Variants in IFT46 observed in about 807,000 individuals in gnomAD.
The protein encoded by IFT46 is intraflagellar transport 46, also known as intraflagellar transport protein 46 homolog.
IFT46 carries 19 observed loss-of-function variants against 39.6 expected under a neutral mutation model. That is an observed-to-expected ratio of 0.48 (90% CI 0.33 to 0.70). The LOEUF is 0.70. IFT46 is among the 30% of genes least tolerant of loss of function. IFT46 has a pLI of 0.01. For missense variants in IFT46, 334 were observed against 364.8 expected (o/e 0.92, Z 0.69); for synonymous variants, 117 against 134.8 (o/e 0.87, Z 0.91).
chr11:118,560,182 G>A, intron 2 of IFT46: 3 of 256,098 alleles, frequency 1.2e-5, no homozygotes, highest in Non-Finnish European at 2.2e-5. Flanking sequence ...GGAAGGGGAG[G>A]CAGGAGGATC....
rs1379786613 is a variant in IFT46, at chr11:118,546,026, CTA to C, written c.673-175_673-174del. On this transcript the variant is annotated intron_variant, in intron 9 of 11. Coordinates refer to ENST00000264021, the MANE Select transcript of IFT46 (RefSeq NM_001168618.2). ...TAACTCCCTGTACTTCAGAATGTGACTATATTTGGAGATAACATCTTTAAAGA... is the reference window on the plus strand; with the variant it reads ...TAACTCCCTGTACTTCAGAATGTGACTATTTGGAGATAACATCTTTAAAGA... 25 of 711,708 alleles carry C rather than the reference CTA, an allele frequency of 3.5e-5. No individual in the cohort carries two copies. The African/African-American group carries it at 4.1e-4, about 12-fold the overall frequency. 44.1% of individuals were successfully genotyped at this position (711,708 alleles called of 1,614,324 possible). A position where few individuals can be genotyped will look rare whatever the true frequency, so the allele number is the denominator to read the frequency against.
At chr11:118,572,479 C>G (rs541171787) in intron 1 of IFT46, 595 of 1,566,158 alleles carry the variant, frequency 3.8e-4, no homozygotes, top group Admixed American at 9.7e-4. Context: ...CTGGTGCTCC[C>G]GTTCCCCAGA....
chr11:118,556,928 C>T lies in IFT46; in HGVS notation c.163G>A (p.Glu55Lys). 6.2e-7 allele frequency: 1 copy of T among 1,609,206 alleles called. No homozygotes were observed. Residue 55 changes from glutamate to lysine, a missense_variant, in exon 4 of 12, where the codon GAG (glutamate) becomes AAG (lysine). Physicochemically the swap from Glu to Lys is moderately conservative, Grantham distance 56. Coordinates refer to ENST00000264021, the MANE Select transcript of IFT46 (RefSeq NM_001168618.2). ...TDSDSDDDDE[E>K]HGAPLEGAYD... ...CACCCTTCCAGAGGGGCTCCATGCT[C>T]TTCATCATCATCATCAGAATCAGAA...
At chr11:118,560,894 A>G in intron 2 of IFT46, 1 of 816,590 alleles carries the variant, frequency 1.2e-6, no homozygotes, top group Non-Finnish European at 2.1e-6. Flanking sequence ...TTATGCCCGT[A>G]TAGAGGGGGA....
Position 118,563,196 on chromosome 11 carries a change from AATACAGTATGATTTCACTTATGTG to A in IFT46, c.-36+1745_-36+1768del, listed in dbSNP as rs1555070860. Reference sequence around the variant, plus strand: ...GAAGTAAGTCAGCCACAAAAGGATAAATACAGTATGATTTCACTTATGTGGTTCCCAGAATAAGCAAACTCATAC... The same window carrying A: ...GAAGTAAGTCAGCCACAAAAGGATAAGTTCCCAGAATAAGCAAACTCATAC... On this transcript the variant is annotated intron_variant, in intron 2 of 11. Transcript: ENST00000264021. Among the ~76,000 whole-genome samples the A allele has an allele frequency of 7.0e-3, 1,062 of 152,340 alleles. 13 individuals are homozygous for A. The highest frequency in any genetic ancestry group is 0.024 in the African/African-American group (989 of 41,564).
In IFT46 at chr11:118,545,393, CT is replaced by C; in HGVS notation, c.819+15del. Reference sequence around the variant, plus strand: ...TCCTCTCTACAGCTTAAGTCAACCCCTGATGCTTGGCTCACCTGTGAGTTCT... The same window carrying C: ...TCCTCTCTACAGCTTAAGTCAACCCCGATGCTTGGCTCACCTGTGAGTTCT... On this transcript the variant is annotated intron_variant, in intron 11 of 11. Coordinates refer to ENST00000264021, the MANE Select transcript of IFT46 (RefSeq NM_001168618.2). 6.3e-7 allele frequency: 1 copy of C among 1,581,816 alleles called. No homozygotes were observed. Among genetic ancestry groups the C allele is most frequent in the South Asian group, 1.1e-5 (1 of 90,376 alleles).
chr11:118,551,878 C>A (rs782279419), intron 8 of IFT46, 26 bp from the exon 9 acceptor site: 1 of 1,601,734 alleles, frequency 6.2e-7, no homozygotes, highest in African/African-American at 1.3e-5. Flanking sequence ...TAAATATGAA[C>A]AAGAAACGTG....
chr11:118,568,654 G>A (rs1269869200), upstream of IFT46, among the ~76,000 whole-genome samples: 3 of 151,648 alleles, frequency 2.0e-5, no homozygotes, highest in Non-Finnish European at 2.9e-5. Flanking sequence ...AAGAAAGTTT[G>A]TACCCATTGT....
intron 9 of IFT46, 151 bp from the exon 10 acceptor site, chr11:118,546,004 C>T: frequency 1.4e-6 from 1 of 720,304 alleles, no homozygotes; most frequent in Non-Finnish European, 2.6e-6. Flanking sequence ...GAGTTCCTAA[C>T]TCCCTGTACT....
chr11:118,545,107 T>C, intron 11 of IFT46, 96 bp from the exon 12 acceptor site: 1 of 941,830 alleles, frequency 1.1e-6, no homozygotes, highest in Admixed American at 2.1e-5. Context: ...CCCCCTTTAT[T>C]TCCTTCCTGC....
chr11:118,568,799 G>C, upstream of IFT46, among the ~76,000 whole-genome samples: 1 of 151,462 alleles, frequency 6.6e-6, no homozygotes, highest in Non-Finnish European at 1.5e-5. Flanking sequence ...GGGACTATAG[G>C]CATGGGCCAC....
At chr11:118,575,061 T>C (rs1938457155), upstream of IFT46, among the ~76,000 whole-genome samples, 1 of 152,124 alleles carries the variant, frequency 6.6e-6, no homozygotes, top group Admixed American at 6.6e-5. Context: ...TCACTGCAAC[T>C]TCTGCCTCCC....
At chr11:118,575,921 C>CAGTGGGTATAAAA (rs1555073441), upstream of IFT46, among the ~76,000 whole-genome samples, 1 of 151,476 alleles carries the variant, frequency 6.6e-6, no homozygotes, top group Non-Finnish European at 1.5e-5. Context: ...GTGGTTAGAA[C>CAGTGGGTATAAAA]TGGAGCAGTG....
upstream of IFT46, among the ~76,000 whole-genome samples, chr11:118,566,973 C>A (rs1471338887): frequency 6.6e-6 from 1 of 152,126 alleles, no homozygotes; most frequent in Admixed American, 6.5e-5. Flanking sequence ...TGGCTCACAC[C>A]TGTAATCCCA....
intron 1 of IFT46, chr11:118,572,297 T>C (rs2135523661): frequency 5.9e-6 from 3 of 510,204 alleles, no homozygotes; most frequent in East Asian, 6.2e-5. Flanking sequence ...CCTCCTGGGC[T>C]TAATCGTAAC....
chr11:118,549,761 G>A (rs1442233387), intron 9 of IFT46, among the ~76,000 whole-genome samples: 9 of 151,886 alleles, frequency 5.9e-5, no homozygotes, highest in South Asian at 2.1e-4. Context: ...TTGACCTCAT[G>A]ATCAGCCCGC....
intron 9 of IFT46, among the ~76,000 whole-genome samples, chr11:118,547,744 CTTTTT>C (rs1233612951): frequency 3.3e-4 from 30 of 91,190 alleles, no homozygotes; most frequent in African/African-American, 8.3e-4. Flanking sequence ...CTTTTCTTTT[CTTTTT>C]TTTTTTTTTT....
chr11:118,570,039 G>A (rs1028019185), upstream of IFT46, among the ~76,000 whole-genome samples: 1 of 141,212 alleles, frequency 7.1e-6, no homozygotes, highest in Non-Finnish European at 1.5e-5. Flanking sequence ...GAGACACCAC[G>A]CCCAGCTTTT....
chr11:118,557,449 C>T (rs1165228160), intron 3 of IFT46: 1 of 426,430 alleles, frequency 2.3e-6, no homozygotes, highest in Admixed American at 4.2e-5. Flanking sequence ...TTTTAGGGGT[C>T]TTAATACTCA....
Sources: gnomAD v4.1 joint callset for allele counts (sites outside exome capture counted in the v4.1 genomes callset) on GRCh38, gnomAD v4.1.1 for gene constraint, MANE v1.5 for transcripts, NCBI Gene and HGNC (gene_info 2026-07-23, HGNC 2026-07-21) for gene names.